RBFOX1: variants seen among roughly 807,000 people sequenced by gnomAD.
The protein encoded by RBFOX1 is RNA binding protein fox-1 homolog 1.
RBFOX1 carries 8 observed loss-of-function variants against 57.7 expected under a neutral mutation model. That is an observed-to-expected ratio of 0.14 (90% confidence interval 0.08 to 0.25). RBFOX1 has a LOEUF of 0.25. Ranked by LOEUF, RBFOX1 falls within the 10% of genes least tolerant of loss-of-function variation. RBFOX1 has a pLI of 1.00. For missense variants in RBFOX1, 611 were observed against 548.5 expected (o/e 1.11, Z -1.14); for synonymous variants, 326 against 222.4 (o/e 1.47, Z -4.15).
intron 3 of RBFOX1, among the ~76,000 whole-genome samples, chr16:6,705,807 C>T (rs1252982813): frequency 2.0e-5 from 3 of 152,110 alleles, no homozygotes; most frequent in Non-Finnish European, 4.4e-5. Flanking sequence ...CACTTGAGCT[C>T]AGGAGTCCAA....
chr16:6,554,943 G>A (rs899680782), intron 2 of RBFOX1, among the ~76,000 whole-genome samples: 1 of 152,062 alleles, frequency 6.6e-6, no homozygotes, highest in African/African-American at 2.4e-5. Flanking sequence ...TTTGACCTAG[G>A]GCTAAGTGAC....
chr16:5,847,659 G>T (rs1396586821), intron 3 of RBFOX1, among the ~76,000 whole-genome samples: 1 of 152,036 alleles, frequency 6.6e-6, no homozygotes, highest in African/African-American at 2.4e-5. Flanking sequence ...AAGCTATATG[G>T]CCCTCCGGAG....
chr16:5,380,118 C>T (rs771988822), intron 1 of RBFOX1, among the ~76,000 whole-genome samples: 3 of 152,214 alleles, frequency 2.0e-5, no homozygotes, highest in East Asian at 1.9e-4. Flanking sequence ...TTGAGTGTGC[C>T]CCAGATTGTC....
At chr16:6,593,001 C>G (rs569731360) in intron 2 of RBFOX1, among the ~76,000 whole-genome samples, 4 of 152,004 alleles carry the variant, frequency 2.6e-5, no homozygotes, top group Non-Finnish European at 5.9e-5. Context: ...ACGACTAGCC[C>G]GGCCAACATG....
chr16:7,596,136 C>T (rs554121008), intron 8 of RBFOX1, among the ~76,000 whole-genome samples: 2 of 3,622 alleles, frequency 5.5e-4, no homozygotes, highest in South Asian at 0.01. Context: ...GAAAAAAAAA[C>T]AAAAAAAAAA....
chr16:7,581,484 G>T (rs17144186), intron 6 of RBFOX1, among the ~76,000 whole-genome samples: 8,502 of 152,092 alleles, frequency 0.056, 775 homozygotes, highest in African/African-American at 0.19. Context: ...GGCTTTCAAT[G>T]TGATCCCCTT....
chr16:5,403,019 C>G (rs1307946335), intron 1 of RBFOX1, among the ~76,000 whole-genome samples: 1 of 152,144 alleles, frequency 6.6e-6, no homozygotes, highest in Non-Finnish European at 1.5e-5. Context: ...TGCATGCACA[C>G]ACGTATACAC....
chr16:6,587,799 T>TG (rs1311387731), intron 2 of RBFOX1, among the ~76,000 whole-genome samples: 1 of 152,236 alleles, frequency 6.6e-6, no homozygotes, highest in Non-Finnish European at 1.5e-5. Context: ...TTTGTGTAGT[T>TG]TCACCAATGA....
chr16:7,612,501 A>G (rs2057706087), intron 10 of RBFOX1, among the ~76,000 whole-genome samples: 1 of 151,848 alleles, frequency 6.6e-6, no homozygotes, highest in Non-Finnish European at 1.5e-5. Context: ...GCCTCATGTT[A>G]TCTAGTGTAG....
At chr16:5,644,297 A>G (rs2048977304) in intron 3 of RBFOX1, among the ~76,000 whole-genome samples, 1 of 152,246 alleles carries the variant, frequency 6.6e-6, no homozygotes, top group South Asian at 2.1e-4. Flanking sequence ...AGTAAAATGA[A>G]TTAGGGACTT....
At chr16:5,740,849 G>A (rs747700489) in intron 3 of RBFOX1, among the ~76,000 whole-genome samples, 3 of 152,086 alleles carry the variant, frequency 2.0e-5, no homozygotes, top group Non-Finnish European at 4.4e-5. Flanking sequence ...TCTCTGATGA[G>A]GATTATGTGC....
intron 3 of RBFOX1, among the ~76,000 whole-genome samples, chr16:6,789,785 A>C (rs2082593179): frequency 6.6e-6 from 1 of 152,040 alleles, no homozygotes; most frequent in Non-Finnish European, 1.5e-5. Context: ...CTTCTGTTTG[A>C]ATGGTGATCC....
intron 3 of RBFOX1, among the ~76,000 whole-genome samples, chr16:6,913,454 C>G (rs533586595): frequency 1.3e-5 from 2 of 152,286 alleles, no homozygotes; most frequent in South Asian, 2.1e-4. Context: ...CCACCAGACC[C>G]TGAGCATGTT....
intron 3 of RBFOX1, among the ~76,000 whole-genome samples, chr16:5,789,937 A>G (rs1009369952): frequency 5.3e-5 from 8 of 152,166 alleles, no homozygotes; most frequent in Non-Finnish European, 1.2e-4. Context: ...AGCTGCGGCA[A>G]TGGTGGCTGC....
chr16:7,189,836 T>G (rs1331314986), intron 4 of RBFOX1, among the ~76,000 whole-genome samples: 1 of 152,204 alleles, frequency 6.6e-6, no homozygotes, highest in African/African-American at 2.4e-5. Flanking sequence ...AAGAATCTGT[T>G]CACCATTGTA....
intron 3 of RBFOX1, among the ~76,000 whole-genome samples, chr16:6,883,828 T>C (rs2063429324): frequency 1.3e-5 from 2 of 152,120 alleles, no homozygotes; most frequent in South Asian, 4.1e-4. Context: ...ATTATCTCTT[T>C]TTTCCCCCTA....
chr16:5,691,344 A>G (rs572426315), intron 3 of RBFOX1, among the ~76,000 whole-genome samples: 16 of 152,170 alleles, frequency 1.1e-4, no homozygotes, highest in Non-Finnish European at 2.4e-4. Flanking sequence ...ATCTGTGCTG[A>G]TGCAAGATGT....
At chr16:6,627,346 C>T (rs919304990) in intron 2 of RBFOX1, among the ~76,000 whole-genome samples, 4 of 151,988 alleles carry the variant, frequency 2.6e-5, no homozygotes, top group East Asian at 1.9e-4. Flanking sequence ...TTAGGACATA[C>T]GGATCAAAAG....
chr16:6,555,237 T>C (rs960811123), intron 2 of RBFOX1, among the ~76,000 whole-genome samples: 5 of 152,184 alleles, frequency 3.3e-5, no homozygotes, highest in African/African-American at 1.2e-4. Context: ...AAGATCCAAG[T>C]ATACAAAGCC....
Sources: allele counts gnomAD v4.1 joint callset (sites outside exome capture counted in the v4.1 genomes callset), GRCh38; gene constraint gnomAD v4.1.1; transcripts MANE v1.5; gene names NCBI Gene and HGNC (gene_info 2026-07-23, HGNC 2026-07-21).